ARHGAP32: variants seen among roughly 807,000 people sequenced by gnomAD.
ARHGAP32 encodes the protein Rho GTPase activating protein 32, also known as rho GTPase-activating protein 32.
A neutral mutation model predicts 186.5 loss-of-function variants in ARHGAP32; 51 were observed. The observed-to-expected ratio is 0.27, with a 90% CI of 0.22 to 0.35. The LOEUF (loss-of-function observed/expected upper bound fraction) is 0.35. Ranked by LOEUF, ARHGAP32 falls within the 10% of genes least tolerant of loss-of-function variation. The pLI is 1.00. For missense variants in ARHGAP32, 2,186 were observed against 2,623.5 expected, an observed-to-expected ratio of 0.83 and a Z score of 3.64; for synonymous variants, 950 against 964.3, an observed-to-expected ratio of 0.99 and a Z score of 0.27.
At chr11:129,269,330 G>A (rs1240048667) in intron 1 of ARHGAP32, among the ~76,000 whole-genome samples, 1 of 151,238 alleles carries the variant, frequency 6.6e-6, no homozygotes, top group Non-Finnish European at 1.5e-5. Flanking sequence ...ATATGAAGAA[G>A]ACAAAATGGG....
chr11:129,239,563 A>G (rs1944987423), intron 1 of ARHGAP32, among the ~76,000 whole-genome samples: 1 of 152,184 alleles, frequency 6.6e-6, no homozygotes, highest in African/African-American at 2.4e-5. Context: ...AAATTGGATG[A>G]TACCAATTCT....
At chr11:129,156,603 T>C (rs988447101) in intron 2 of ARHGAP32, among the ~76,000 whole-genome samples, 4 of 152,040 alleles carry the variant, frequency 2.6e-5, no homozygotes, top group Non-Finnish European at 4.4e-5. Context: ...GAAACTCCCA[T>C]CTCCCTGGGA....
intron 1 of ARHGAP32, among the ~76,000 whole-genome samples, chr11:129,278,138 T>C (rs571950595): frequency 6.6e-6 from 1 of 152,326 alleles, no homozygotes; most frequent in Non-Finnish European, 1.5e-5. Context: ...GTTATCCCCA[T>C]TCAGACTGAC....
chr11:129,244,561 C>T (rs1945063386), intron 1 of ARHGAP32, among the ~76,000 whole-genome samples: 1 of 151,974 alleles, frequency 6.6e-6, no homozygotes, highest in Admixed American at 6.6e-5. Context: ...TCTAAAACAC[C>T]AAAAGCAATG....
At chr11:129,005,763 C>T (rs1359379840) in intron 11 of ARHGAP32, among the ~76,000 whole-genome samples, 1 of 152,044 alleles carries the variant, frequency 6.6e-6, no homozygotes, top group African/African-American at 2.4e-5. Flanking sequence ...GTTTTGTAAA[C>T]TTCTTGTGTT....
intron 6 of ARHGAP32, among the ~76,000 whole-genome samples, chr11:129,074,925 T>A (rs1229774229): frequency 6.6e-6 from 1 of 152,174 alleles, no homozygotes; most frequent in Non-Finnish European, 1.5e-5. Context: ...AAAAGGTAAC[T>A]GTGAGGTGAT....
intron 2 of ARHGAP32, among the ~76,000 whole-genome samples, chr11:129,163,102 T>C (rs572736821): frequency 1.3e-5 from 2 of 152,300 alleles, no homozygotes; most frequent in East Asian, 1.9e-4. Flanking sequence ...AAGAAGAGAA[T>C]CTAACAGAAT....
intron 11 of ARHGAP32, among the ~76,000 whole-genome samples, chr11:129,036,674 T>A (rs1462203851): frequency 6.6e-6 from 1 of 152,060 alleles, no homozygotes; most frequent in Non-Finnish European, 1.5e-5. Context: ...TTTGGAAAAA[T>A]TCCTGCACTC....
At chr11:129,120,740 G>C (rs543063302) in intron 5 of ARHGAP32, among the ~76,000 whole-genome samples, 2 of 152,164 alleles carry the variant, frequency 1.3e-5, no homozygotes, top group African/African-American at 4.8e-5. Flanking sequence ...AGAGAAGAAA[G>C]AGCTATAAAC....
At chr11:129,133,610 C>T (rs1445399284) in intron 2 of ARHGAP32, among the ~76,000 whole-genome samples, 7 of 152,126 alleles carry the variant, frequency 4.6e-5, no homozygotes, top group Admixed American at 3.3e-4. Context: ...AGTGGAGCAA[C>T]GTCTATACAA....
chr11:129,277,644 A>G (rs893659185), intron 1 of ARHGAP32, among the ~76,000 whole-genome samples: 45 of 152,206 alleles, frequency 3.0e-4, no homozygotes, highest in African/African-American at 9.7e-4. Flanking sequence ...CGGTACGAAG[A>G]TAACTGGCTT....
intron 2 of ARHGAP32, among the ~76,000 whole-genome samples, chr11:129,125,524 T>A (rs1321448480): frequency 6.6e-6 from 1 of 152,104 alleles, no homozygotes; most frequent in Non-Finnish European, 1.5e-5. Context: ...CTTATAATTT[T>A]AAAAAAACTT....
At position 129,192,105 on chromosome 11, in the gene ARHGAP32, C is replaced by A. The variant is rs1944282732; in HGVS notation, c.94G>T (p.Glu32Ter). The change falls in exon 1 of 23, where the codon GAA becomes TAA. Residue 32 changes from glutamate (E) to a stop codon, truncating the protein, a stop_gained. Transcript: ENST00000682385. LOFTEE classifies it high-confidence loss of function. The part of the protein sequence containing the change: ...VIIQVTDCEE[E>*]EREEKFRKMK... ...CACCTGAACTTCTCTTCCCTTTCTTCCTCTTCACAGTCAGTCACCTGGATT... is the reference window on the plus strand; with the variant it reads ...CACCTGAACTTCTCTTCCCTTTCTTACTCTTCACAGTCAGTCACCTGGATT... The A allele has an allele frequency of 1.9e-6, 3 of 1,613,624 alleles. No individual in the cohort carries two copies. The highest frequency in any genetic ancestry group is 2.5e-6 in the Non-Finnish European group (3 of 1,179,640).
At chr11:129,270,475 G>C (rs1054983474) in intron 1 of ARHGAP32, among the ~76,000 whole-genome samples, 2 of 151,918 alleles carry the variant, frequency 1.3e-5, no homozygotes, top group African/African-American at 4.8e-5. Context: ...TCCATAGAAG[G>C]TACAACACCA....
At chr11:129,243,891 G>A (rs973228777) in intron 1 of ARHGAP32, among the ~76,000 whole-genome samples, 14 of 152,136 alleles carry the variant, frequency 9.2e-5, no homozygotes, top group African/African-American at 3.4e-4. Context: ...ACACTTTCTT[G>A]TGTCACCATA....
At chr11:129,111,575 C>G (rs1251288789) in intron 5 of ARHGAP32, among the ~76,000 whole-genome samples, 1 of 152,138 alleles carries the variant, frequency 6.6e-6, no homozygotes, top group African/African-American at 2.4e-5. Context: ...AATCTCATTA[C>G]TCCTTATTGG....
At chr11:129,225,522 A>G (rs1944769523) in intron 1 of ARHGAP32, among the ~76,000 whole-genome samples, 1 of 152,194 alleles carries the variant, frequency 6.6e-6, no homozygotes, top group Non-Finnish European at 1.5e-5. Context: ...CTGACCACAA[A>G]GCCATTTGAA....
intron 2 of ARHGAP32, among the ~76,000 whole-genome samples, chr11:129,145,535 T>G (rs1297185197): frequency 6.6e-6 from 1 of 152,038 alleles, no homozygotes; most frequent in African/African-American, 2.4e-5. Context: ...TCCTTGAATA[T>G]CTTGTAAGTT....
intron 6 of ARHGAP32, among the ~76,000 whole-genome samples, chr11:129,092,709 A>T (rs1206108057): frequency 6.6e-6 from 1 of 151,984 alleles, no homozygotes; most frequent in Non-Finnish European, 1.5e-5. Flanking sequence ...ACCACAACTA[A>T]AAACTTCAGT....
Sources: gnomAD v4.1 joint callset for allele counts (sites outside exome capture counted in the v4.1 genomes callset) on GRCh38, gnomAD v4.1.1 for gene constraint, MANE v1.5 for transcripts, NCBI Gene and HGNC (gene_info 2026-07-23, HGNC 2026-07-21) for gene names.